Variants in A1CF observed in about 807,000 individuals in gnomAD.
A1CF encodes APOBEC-1 stimulating protein.
A neutral mutation model predicts 68.9 loss-of-function variants in A1CF; 48 were observed. That is an observed-to-expected ratio of 0.70 (90% CI 0.55 to 0.89). The LOEUF (loss-of-function observed/expected upper bound fraction) is 0.89. Among genes scored for constraint, A1CF ranks in the 40% least tolerant of loss-of-function variants. The probability of loss-of-function intolerance (pLI) is 0.00; values close to 1 mark genes in which losing one functional copy is unlikely to be tolerated. For synonymous variants in A1CF, 272 were observed against 260.4 expected (o/e 1.04, Z -0.43); for missense variants, 653 against 718.9 (o/e 0.91, Z 1.05).
chr10:50,816,782 C>T lies in A1CF; in HGVS notation c.868-503G>A, dbSNP rs140047387. 2.9e-3 allele frequency among the ~76,000 whole-genome samples: 436 copies of T among 152,208 alleles called. 3 individuals carry two copies. Among genetic ancestry groups the T allele is most frequent in the South Asian group, 0.026 (124 of 4,812 alleles). The stretch of plus-strand genomic sequence containing the variant: ...AAATCAGGCCCTTCCAGCTGATAGC[C>T]CGCTAACTGTCTTGCTCCTTAGAGC... On this transcript the variant is annotated intron_variant, in intron 8 of 12. Transcript: ENST00000373997.
intron 2 of A1CF, among the ~76,000 whole-genome samples, 184 bp from the exon 3 acceptor site, chr10:50,860,169 C>T (rs1840678245): frequency 6.6e-6 from 1 of 151,714 alleles, no homozygotes; most frequent in East Asian, 1.9e-4. Context: ...TAAAAATGCA[C>T]AATATTGGTT....
chr10:50,878,799 A>G (rs530824696), intron 1 of A1CF, among the ~76,000 whole-genome samples: 1 of 152,354 alleles, frequency 6.6e-6, no homozygotes, highest in Non-Finnish European at 1.5e-5. Flanking sequence ...CCTGTTAAAT[A>G]TCTGTGATTT....
chr10:50,879,729 C>G (rs1841685335), intron 1 of A1CF, among the ~76,000 whole-genome samples: 1 of 152,154 alleles, frequency 6.6e-6, no homozygotes, highest in South Asian at 2.1e-4. Flanking sequence ...CACTTCTCAC[C>G]AGATTCTTTC....
chr10:50,811,316 T>G, intron 10 of A1CF, 140 bp from the exon 11 acceptor site: 1 of 805,188 alleles, frequency 1.2e-6, no homozygotes, highest in Non-Finnish European at 1.8e-6. Flanking sequence ...TAATGACTCA[T>G]AAAATTTAAG....
intron 1 of A1CF, among the ~76,000 whole-genome samples, chr10:50,883,599 A>G (rs952899672): frequency 1.3e-5 from 2 of 152,208 alleles, no homozygotes; most frequent in Admixed American, 6.5e-5. Flanking sequence ...CATGGGCTAT[A>G]AAAGCGATTT....
chr10:50,875,299 C>G (rs535687258), intron 1 of A1CF, among the ~76,000 whole-genome samples: 1 of 152,282 alleles, frequency 6.6e-6, no homozygotes, highest in East Asian at 1.9e-4. Context: ...AAATCTGACT[C>G]TTACTAAATT....
rs933522020 is a variant in A1CF, at chr10:50,834,426, G to A, written c.604+1648C>T. Among the ~76,000 whole-genome samples the A allele has an allele frequency of 3.9e-5, 6 of 152,182 alleles. No homozygotes were observed. In the East Asian group the frequency reaches 9.6e-4, roughly 24 times the overall value. ...GCAGGTATTCCTAGTAGAGGATATA[G>A]CATTAGGAATAAACGAGACAGACAT... is the stretch of plus-strand genomic sequence containing the variant. On this transcript the variant is annotated intron_variant, in intron 6 of 12. Coordinates refer to ENST00000373997, the MANE Select transcript of A1CF (RefSeq NM_014576.4).
intron 6 of A1CF, among the ~76,000 whole-genome samples, chr10:50,830,464 TAAC>T (rs1839183699): frequency 6.6e-6 from 1 of 152,112 alleles, no homozygotes; most frequent in South Asian, 2.1e-4. Context: ...TTCTATACAC[TAAC>T]AACAAGAAAT....
intron 9 of A1CF, among the ~76,000 whole-genome samples, chr10:50,814,572 G>A (rs1218481539): frequency 3.9e-5 from 6 of 152,150 alleles, no homozygotes; most frequent in South Asian, 2.1e-4. Flanking sequence ...GGTTCACCAT[G>A]CTCTCTGATG....
At chr10:50,843,357 A>C (rs1839862353) in intron 4 of A1CF, among the ~76,000 whole-genome samples, 1 of 152,170 alleles carries the variant, frequency 6.6e-6, no homozygotes, top group Non-Finnish European at 1.5e-5. Context: ...CACACACACA[A>C]AATTGATTTT....
chr10:50,831,653 G>A (rs894324683), intron 6 of A1CF, among the ~76,000 whole-genome samples: 5 of 152,244 alleles, frequency 3.3e-5, no homozygotes, highest in Middle Eastern at 3.4e-3. Flanking sequence ...ACTTGAACCC[G>A]GGAGGCAGAG....
chr10:50,808,190 A>C (rs1837925516), intron 12 of A1CF, among the ~76,000 whole-genome samples: 2 of 152,180 alleles, frequency 1.3e-5, no homozygotes. Context: ...GTTAAGTGCC[A>C]GGGTGTTTGG....
At chr10:50,838,385 TTTAC>T (rs1839620775) in intron 5 of A1CF, among the ~76,000 whole-genome samples, 1 of 152,208 alleles carries the variant, frequency 6.6e-6, no homozygotes, top group African/African-American at 2.4e-5. Flanking sequence ...TTTTTTAAAC[TTTAC>T]TTAAAAAAGA....
intron 8 of A1CF, among the ~76,000 whole-genome samples, chr10:50,817,846 G>C (rs1173870479): frequency 6.6e-6 from 1 of 152,140 alleles, no homozygotes; most frequent in Non-Finnish European, 1.5e-5. Flanking sequence ...ATTTGGTTTA[G>C]ATATTTCCAG....
intron 8 of A1CF, 89 bp downstream of exon 8, chr10:50,820,463 A>C: frequency 9.2e-7 from 1 of 1,089,572 alleles, no homozygotes; most frequent in South Asian, 1.5e-5. Flanking sequence ...GGCTGGAGTG[A>C]GACAGGCTTG....
At chr10:50,872,085 G>T (rs1385659932) in intron 1 of A1CF, among the ~76,000 whole-genome samples, 4 of 151,744 alleles carry the variant, frequency 2.6e-5, no homozygotes, top group African/African-American at 7.3e-5. Flanking sequence ...AATGAGCAAA[G>T]GAAATGAACT....
chr10:50,867,270 T>C lies in A1CF; in HGVS notation c.-93-3190A>G, dbSNP rs79985784. Among the ~76,000 whole-genome samples the C allele has an allele frequency of 9.9e-5, 15 of 152,202 alleles. No individual in the cohort carries two copies. In the East Asian group the frequency reaches 2.1e-3, roughly 22 times the overall value. On this transcript the variant is annotated intron_variant, in intron 1 of 12. Transcript: ENST00000373997. ...TAATGGCAAAGATATGGAATCAACCTAAGTATCCATCAACAATTGGATAAA... is the reference window on the plus strand; with the variant it reads ...TAATGGCAAAGATATGGAATCAACCCAAGTATCCATCAACAATTGGATAAA...
At chr10:50,875,657 T>C (rs986760866) in intron 1 of A1CF, among the ~76,000 whole-genome samples, 4 of 152,182 alleles carry the variant, frequency 2.6e-5, no homozygotes, top group Admixed American at 2.6e-4. Context: ...GGTACATATG[T>C]ATCCTTACCT....
At chr10:50,807,017 G>A in intron 12 of A1CF, 137 bp from the exon 13 acceptor site, 1 of 852,298 alleles carries the variant, frequency 1.2e-6, no homozygotes, top group Non-Finnish European at 1.7e-6. Context: ...TTTAAAAAGT[G>A]TCCTTAAGGA....
Sources: gnomAD v4.1 joint callset for allele counts (sites outside exome capture counted in the v4.1 genomes callset) on GRCh38, gnomAD v4.1.1 for gene constraint, MANE v1.5 for transcripts, NCBI Gene and HGNC (gene_info 2026-07-23, HGNC 2026-07-21) for gene names.